DAB2IP: variants seen among roughly 807,000 people sequenced by gnomAD.
The protein encoded by DAB2IP is DAB2 interacting protein, also known as disabled homolog 2-interacting protein.
In DAB2IP, 28 loss-of-function variants were observed where a neutral mutation model predicts 107.2. The ratio of observed to expected loss-of-function variants is 0.26; its 90% CI spans 0.19 to 0.36. The LOEUF (loss-of-function observed/expected upper bound fraction) is 0.36. Among genes scored for constraint, DAB2IP ranks in the 10% least tolerant of loss-of-function variants. DAB2IP has a pLI of 1.00. For missense variants in DAB2IP, 1,400 were observed against 1,644.7 expected (o/e 0.85, Z 2.57); for synonymous variants, 755 against 706.4 (o/e 1.07, Z -1.09).
At chr9:121,771,544 G>C (rs1173418724) in intron 11 of DAB2IP, among the ~76,000 whole-genome samples, 1 of 152,100 alleles carries the variant, frequency 6.6e-6, no homozygotes, top group Non-Finnish European at 1.5e-5. Flanking sequence ...TCTTGCATTG[G>C]GTCTGTTCAG....
intron 3 of DAB2IP, among the ~76,000 whole-genome samples, chr9:121,735,985 C>G (rs1260220540): frequency 6.6e-6 from 1 of 152,238 alleles, no homozygotes; most frequent in Non-Finnish European, 1.5e-5. Flanking sequence ...TGCACCCGAC[C>G]TTTCCCTTCT....
At chr9:121,579,820 T>C (rs1276767094) in intron 1 of DAB2IP, among the ~76,000 whole-genome samples, 1 of 152,214 alleles carries the variant, frequency 6.6e-6, no homozygotes, top group Non-Finnish European at 1.5e-5. Flanking sequence ...ATCAAAGTAC[T>C]TTGCAAGCTA....
intron 1 of DAB2IP, among the ~76,000 whole-genome samples, chr9:121,675,279 G>A (rs2119127099): frequency 6.6e-6 from 1 of 152,286 alleles, no homozygotes; most frequent in South Asian, 2.1e-4. Flanking sequence ...TCTAGGGAGG[G>A]GGAGAGCATA....
chr9:121,588,423 C>T (rs1396667351), intron 1 of DAB2IP, among the ~76,000 whole-genome samples: 2 of 151,868 alleles, frequency 1.3e-5, no homozygotes, highest in Non-Finnish European at 2.9e-5. Flanking sequence ...TTCCCGTCCT[C>T]CTCATCCCAA....
chr9:121,752,118 G>A (rs1043579233), intron 3 of DAB2IP: 1 of 781,774 alleles, frequency 1.3e-6, no homozygotes, highest in Non-Finnish European at 1.6e-6. Context: ...TGAGAGGGAT[G>A]GGGGAAGCGG....
At chr9:121,672,722 A>G (rs1833732329) in intron 1 of DAB2IP, among the ~76,000 whole-genome samples, 1 of 152,132 alleles carries the variant, frequency 6.6e-6, no homozygotes, top group East Asian at 1.9e-4. Flanking sequence ...AGACTGCTGG[A>G]TCATGCTCGA....
chr9:121,593,345 A>C (rs1029650939), intron 1 of DAB2IP, among the ~76,000 whole-genome samples: 4 of 151,994 alleles, frequency 2.6e-5, no homozygotes, highest in Non-Finnish European at 5.9e-5. Context: ...ATGACTCACT[A>C]TAGCCTTGAC....
chr9:121,676,434 A>G (rs930499012), intron 1 of DAB2IP, among the ~76,000 whole-genome samples: 2 of 152,104 alleles, frequency 1.3e-5, no homozygotes, highest in African/African-American at 4.8e-5. Context: ...AAACATGCAC[A>G]TGTGTTTGTC....
chr9:121,765,805 CCAGGAG>C (rs1188700552), intron 8 of DAB2IP, among the ~76,000 whole-genome samples: 4 of 152,212 alleles, frequency 2.6e-5, no homozygotes, highest in African/African-American at 9.6e-5. Flanking sequence ...CCCAGTGGAA[CCAGGAG>C]CCCCATTGTC....
At chr9:121,582,023 C>T (rs1830204422) in intron 1 of DAB2IP, among the ~76,000 whole-genome samples, 1 of 152,204 alleles carries the variant, frequency 6.6e-6, no homozygotes, top group South Asian at 2.1e-4. Flanking sequence ...AGGACCTCCC[C>T]CTCCTTCACC....
At chr9:121,632,142 T>G (rs1589431024) in intron 1 of DAB2IP, among the ~76,000 whole-genome samples, 1 of 152,230 alleles carries the variant, frequency 6.6e-6, no homozygotes, top group Non-Finnish European at 1.5e-5. Flanking sequence ...GTTTGAATTG[T>G]GGCCTCTGCG....
At chr9:121,705,828 G>A (rs1564169293) in intron 3 of DAB2IP, among the ~76,000 whole-genome samples, 1 of 152,108 alleles carries the variant, frequency 6.6e-6, no homozygotes, top group East Asian at 1.9e-4. Flanking sequence ...CTATTTCCAG[G>A]CCCCATATTA....
intron 1 of DAB2IP, among the ~76,000 whole-genome samples, chr9:121,642,105 G>C (rs1206043969): frequency 7.8e-6 from 1 of 128,006 alleles, no homozygotes; most frequent in East Asian, 2.3e-4. Flanking sequence ...TTTTTTGACA[G>C]GGTCTTCCTC....
chr9:121,571,904 G>A lies in DAB2IP; in HGVS notation c.40+4676G>A, dbSNP rs140599085. Among the ~76,000 whole-genome samples the A allele has an allele frequency of 5.0e-4, 76 of 152,182 alleles. 1 individual carries two copies. The highest frequency in any genetic ancestry group is 9.8e-4 in the Non-Finnish European group (67 of 68,026). ...AGAGGCAGGAAGGTGAGGAGAAGGG[G>A]AGAGCTCGGAAACTCGGCACTAACC... is the stretch of plus-strand genomic sequence containing the variant. On this transcript the variant is annotated intron_variant, in intron 1 of 16. Transcript: ENST00000259371.
chr9:121,677,357 A>AT (rs981059524), intron 1 of DAB2IP, among the ~76,000 whole-genome samples: 17 of 151,920 alleles, frequency 1.1e-4, no homozygotes, highest in African/African-American at 2.9e-4. Flanking sequence ...CATCTCTACA[A>AT]TTTTTTTTAA....
intron 3 of DAB2IP, among the ~76,000 whole-genome samples, chr9:121,715,509 C>T (rs1179600226): frequency 1.3e-5 from 2 of 151,970 alleles, no homozygotes; most frequent in African/African-American, 4.8e-5. Flanking sequence ...CCTACCACCA[C>T]ACCCGGCTAA....
intron 3 of DAB2IP, among the ~76,000 whole-genome samples, chr9:121,744,612 A>G (rs1261964068): frequency 6.6e-6 from 1 of 152,212 alleles, no homozygotes; most frequent in Non-Finnish European, 1.5e-5. Flanking sequence ...GTTACTTAAA[A>G]GTTGGTGCAT....
At chr9:121,614,372 G>T (rs947007416) in intron 1 of DAB2IP, among the ~76,000 whole-genome samples, 1 of 122,272 alleles carries the variant, frequency 8.2e-6, no homozygotes, top group Non-Finnish European at 1.6e-5. Context: ...AGGGAGTCTC[G>T]CTCTGTTGCC....
intron 1 of DAB2IP, among the ~76,000 whole-genome samples, chr9:121,669,664 A>C (rs1026191133): frequency 1.3e-5 from 2 of 152,198 alleles, no homozygotes; most frequent in Admixed American, 6.5e-5. Context: ...TGTGACTGGT[A>C]AAGTAGCAGC....
Sources: gnomAD v4.1 joint callset for allele counts (sites outside exome capture counted in the v4.1 genomes callset) on GRCh38, gnomAD v4.1.1 for gene constraint, MANE v1.5 for transcripts, NCBI Gene and HGNC (gene_info 2026-07-23, HGNC 2026-07-21) for gene names.